PLCL1: variants seen among roughly 807,000 people sequenced by gnomAD.
PLCL1 encodes phospholipase C like 1 (inactive).
In PLCL1, 41 loss-of-function variants were observed where a neutral mutation model predicts 84.4. The ratio of observed to expected loss-of-function variants is 0.49; its 90% CI spans 0.38 to 0.63. The LOEUF is 0.63. PLCL1 is among the 30% of genes least tolerant of loss of function. PLCL1 has a pLI of 0.00. For missense variants in PLCL1, 1,206 were observed against 1,367.8 expected (o/e 0.88, Z 1.87); for synonymous variants, 490 against 488.3 (o/e 1.00, Z -0.05).
At chr2:197,948,104 GATGAGAA>G (rs1173475399) in intron 1 of PLCL1, among the ~76,000 whole-genome samples, 1 of 152,136 alleles carries the variant, frequency 6.6e-6, no homozygotes, top group African/African-American at 2.4e-5. Context: ...TGATGGGGAT[GATGAGAA>G]ATGAGAAACA....
intron 1 of PLCL1, among the ~76,000 whole-genome samples, chr2:197,927,226 G>C (rs925825059): frequency 1.3e-5 from 2 of 152,184 alleles, no homozygotes; most frequent in Non-Finnish European, 2.9e-5. Context: ...GGGTGTTAAA[G>C]AATAGCAAAC....
At chr2:197,984,039 T>C (rs1690170983) in intron 1 of PLCL1, among the ~76,000 whole-genome samples, 1 of 152,242 alleles carries the variant, frequency 6.6e-6, no homozygotes, top group South Asian at 2.1e-4. Context: ...GTATTTATAT[T>C]AAGCTTCATC....
intron 1 of PLCL1, among the ~76,000 whole-genome samples, chr2:198,023,717 G>T (rs994449226): frequency 3.9e-5 from 6 of 152,214 alleles, no homozygotes; most frequent in South Asian, 4.1e-4. Context: ...ATGCCAGTTA[G>T]AATGGCAATC....
intron 5 of PLCL1, among the ~76,000 whole-genome samples, chr2:198,106,519 C>A (rs1693478435): frequency 6.6e-6 from 1 of 151,806 alleles, no homozygotes; most frequent in Non-Finnish European, 1.5e-5. Flanking sequence ...CTTATTATAA[C>A]CCTAGATTAT....
At chr2:197,817,303 G>A (rs1690709954) in intron 1 of PLCL1, among the ~76,000 whole-genome samples, 1 of 151,912 alleles carries the variant, frequency 6.6e-6, no homozygotes, top group Admixed American at 6.6e-5. Flanking sequence ...ACTTTCTCAT[G>A]TTTATTTAGT....
intron 1 of PLCL1, among the ~76,000 whole-genome samples, chr2:197,874,694 T>C (rs1480386270): frequency 6.6e-6 from 1 of 152,206 alleles, no homozygotes; most frequent in Admixed American, 6.5e-5. Flanking sequence ...TTTTGTGTTA[T>C]GTAGCATAAT....
intron 1 of PLCL1, among the ~76,000 whole-genome samples, chr2:197,903,113 CTTTG>C (rs1688299768): frequency 5.3e-5 from 8 of 152,046 alleles, no homozygotes; most frequent in Admixed American, 5.2e-4. Flanking sequence ...TAATATTAGC[CTTTG>C]TTAGTTAGGC....
intron 1 of PLCL1, among the ~76,000 whole-genome samples, chr2:197,992,428 C>T (rs1356231246): frequency 6.6e-6 from 1 of 151,882 alleles, no homozygotes; most frequent in East Asian, 1.9e-4. Flanking sequence ...CCATGCCCAA[C>T]TAATTTTTGT....
At chr2:198,022,346 A>C (rs1559076963) in intron 1 of PLCL1, among the ~76,000 whole-genome samples, 1 of 152,226 alleles carries the variant, frequency 6.6e-6, no homozygotes, top group Non-Finnish European at 1.5e-5. Flanking sequence ...GACACAAGAC[A>C]AGGATGCCCT....
chr2:197,875,280 C>T (rs1687714092), intron 1 of PLCL1, among the ~76,000 whole-genome samples: 1 of 151,064 alleles, frequency 6.6e-6, no homozygotes. Context: ...AGGGACACTC[C>T]ATCTCAAAAA....
At chr2:197,943,376 A>G (rs897125789) in intron 1 of PLCL1, among the ~76,000 whole-genome samples, 6 of 151,954 alleles carry the variant, frequency 3.9e-5, no homozygotes, top group Non-Finnish European at 8.8e-5. Flanking sequence ...ACACATACAT[A>G]TTTCTTCACT....
intron 1 of PLCL1, among the ~76,000 whole-genome samples, chr2:197,953,796 A>G (rs1689433885): frequency 6.6e-6 from 1 of 151,700 alleles, no homozygotes; most frequent in Non-Finnish European, 1.5e-5. Flanking sequence ...CATTTTTTCT[A>G]TGTGTTTTTG....
At chr2:198,091,400 A>C (rs12386136) in intron 3 of PLCL1, among the ~76,000 whole-genome samples, 2,091 of 152,250 alleles carry the variant, frequency 0.014, 55 homozygotes, top group African/African-American at 0.048. Flanking sequence ...AAAAACATAG[A>C]TCAAGGGGCT....
intron 1 of PLCL1, among the ~76,000 whole-genome samples, chr2:198,002,768 C>T (rs1439285676): frequency 6.6e-6 from 1 of 152,158 alleles, no homozygotes; most frequent in African/African-American, 2.4e-5. Flanking sequence ...TTCTGGTATC[C>T]TGAGGGTCTG....
chr2:198,147,452 A>C lies in PLCL1; in HGVS notation c.*490A>C, dbSNP rs1468633487. The C allele has an allele frequency of 6.6e-6, 1 of 152,304 alleles. No individual in the cohort carries two copies. Among genetic ancestry groups the C allele is most frequent in the African/African-American group, 2.4e-5 (1 of 41,442 alleles). 9.4% of individuals were successfully genotyped at this position (152,304 alleles called of 1,614,324 possible). On this transcript the variant is annotated 3_prime_UTR_variant, in exon 6 of 6. Coordinates refer to ENST00000428675, the MANE Select transcript of PLCL1 (RefSeq NM_006226.4). ...CTTAGCATAGCTTATTATTGAAGGA[A>C]GCCAAATTTATCAAAGCATAGATGT...
At chr2:198,045,105 A>G (rs1363325824) in intron 1 of PLCL1, among the ~76,000 whole-genome samples, 1 of 152,224 alleles carries the variant, frequency 6.6e-6, no homozygotes, top group African/African-American at 2.4e-5. Flanking sequence ...TTTATACCGT[A>G]TTCTTTTCAG....
chr2:197,952,739 T>C (rs532013684), intron 1 of PLCL1, among the ~76,000 whole-genome samples: 1 of 152,194 alleles, frequency 6.6e-6, no homozygotes, highest in Admixed American at 6.5e-5. Flanking sequence ...ATGTTGGCGG[T>C]TTCCCCCATA....
intron 1 of PLCL1, among the ~76,000 whole-genome samples, chr2:197,932,949 G>A (rs139307886): frequency 6.6e-6 from 1 of 152,152 alleles, no homozygotes; most frequent in African/African-American, 2.4e-5. Flanking sequence ...TGAGGTTTAG[G>A]GCCAATCAAC....
At chr2:198,138,491 A>G (rs1453530119) in intron 5 of PLCL1, among the ~76,000 whole-genome samples, 1 of 152,182 alleles carries the variant, frequency 6.6e-6, no homozygotes, top group African/African-American at 2.4e-5. Context: ...GAGCCAAACC[A>G]TATCACCCTC....
Sources: allele counts gnomAD v4.1 joint callset (sites outside exome capture counted in the v4.1 genomes callset), GRCh38; gene constraint gnomAD v4.1.1; transcripts MANE v1.5; gene names NCBI Gene and HGNC (gene_info 2026-07-23, HGNC 2026-07-21).